Variants in BPIFA3 observed in about 807,000 individuals in gnomAD.
The protein encoded by BPIFA3 is BPI fold containing family A member 3.
BPIFA3 carries 32 observed loss-of-function variants against 29.7 expected under a neutral mutation model. The observed-to-expected ratio is 1.08, with a 90% CI of 0.81 to 1.45. The LOEUF (loss-of-function observed/expected upper bound fraction) is 1.45, where lower values mean the gene tolerates loss of function less well. Among genes scored for constraint, BPIFA3 ranks in the 40% most tolerant of loss-of-function variants. BPIFA3 has a pLI of 0.00. For missense variants in BPIFA3, 323 were observed against 311.3 expected (o/e 1.04, Z -0.28); for synonymous variants, 112 against 113.7 (o/e 0.98, Z 0.10).
intron 2 of BPIFA3, 135 bp downstream of exon 2, chr20:33,224,096 G>T: frequency 1.7e-6 from 2 of 1,210,582 alleles, no homozygotes; most frequent in East Asian, 5.0e-5. Context: ...AAGAGAAGGT[G>T]GAAGGCCCAC....
At chr20:33,225,389 C>G in intron 4 of BPIFA3, 142 bp downstream of exon 4, 1 of 1,227,202 alleles carries the variant, frequency 8.1e-7, no homozygotes, top group Non-Finnish European at 1.1e-6. Flanking sequence ...TCCCATGTTC[C>G]CATCCGTGAT....
intron 1 of BPIFA3, among the ~76,000 whole-genome samples, chr20:33,218,273 C>A (rs962146161): frequency 1.3e-5 from 2 of 152,178 alleles, no homozygotes; most frequent in African/African-American, 4.8e-5. Context: ...CTGGGATAAA[C>A]CCAGAAGGAG....
rs1395200195 is a variant in BPIFA3 at position 33,222,669 on chromosome 20, T to TG, written c.128-1141dup. ...ATGGATGGATGGATGGATGGATGGATGAGTGGATGGATGGATGGATGAGCG... is the reference window on the plus strand; with the variant it reads ...ATGGATGGATGGATGGATGGATGGATGGAGTGGATGGATGGATGGATGAGCG... On this transcript the variant is annotated intron_variant, in intron 1 of 6. Transcript: ENST00000375454. Among the ~76,000 whole-genome samples the TG allele has an allele frequency of 2.9e-4, 39 of 132,688 alleles. 2 individuals are homozygous for TG. The highest frequency in any genetic ancestry group is 1.5e-3 in the African/African-American group (39 of 25,858). 87.0% of individuals were successfully genotyped at this position (132,688 alleles called of 152,430 possible).
rs779714865 is a variant in BPIFA3 at position 33,227,597 on chromosome 20, G to A, written c.745G>A (p.Ala249Thr). The A allele has an allele frequency of 6.2e-7, 1 of 1,613,904 alleles. No individual in the cohort carries two copies. Among genetic ancestry groups the A allele is most frequent in the Non-Finnish European group, 8.5e-7 (1 of 1,179,958 alleles). ...AACCAGCCAACCCTCTGCATGCCAGGCTGGAGAGTCCCCCAGCTGACTTCT... is the reference window on the plus strand; with the variant it reads ...AACCAGCCAACCCTCTGCATGCCAGACTGGAGAGTCCCCCAGCTGACTTCT... ...HETSQPSACQ[A>T]GESPS The change falls in exon 7 of 7, where the codon GCT (alanine) becomes ACT (threonine). Residue 249 changes from alanine to threonine, a missense_variant. Physicochemically the swap from Ala to Thr is moderately conservative, Grantham distance 58. Coordinates refer to ENST00000375454, the MANE Select transcript of BPIFA3 (RefSeq NM_178466.5).
At chr20:33,218,177 G>T (rs1246245423) in intron 1 of BPIFA3, among the ~76,000 whole-genome samples, 1 of 152,146 alleles carries the variant, frequency 6.6e-6, no homozygotes, top group African/African-American at 2.4e-5. Context: ...GGACATGCAG[G>T]TTGTCTCTAA....
intron 6 of BPIFA3, 98 bp from the exon 7 acceptor site, chr20:33,227,440 C>A: frequency 2.0e-6 from 2 of 1,022,740 alleles, no homozygotes; most frequent in South Asian, 2.7e-5. Context: ...GCTCCCGGCA[C>A]CTGCCTTTGG....
chr20:33,226,318 T>C, intron 4 of BPIFA3, 88 bp from the exon 5 acceptor site: 1 of 945,668 alleles, frequency 1.1e-6, no homozygotes. Context: ...ACTAAAAGAC[T>C]GTGGAAAGTA....
chr20:33,225,834 C>T (rs74459668), intron 4 of BPIFA3: 173 of 159,338 alleles, frequency 1.1e-3, no homozygotes, highest in African/African-American at 3.9e-3. Context: ...CTGGAATGCC[C>T]GTCCCATCTT....
At chr20:33,217,317 TG>T, upstream of BPIFA3, 1 of 495,322 alleles carries the variant, frequency 2.0e-6, no homozygotes, top group Non-Finnish European at 3.5e-6. Flanking sequence ...TCTGGAGCCC[TG>T]GCCTCCTCCC....
chr20:33,227,131 T>C lies in BPIFA3; in HGVS notation c.685+138T>C, dbSNP rs1021084382. On this transcript the variant is annotated intron_variant, in intron 6 of 6. Transcript: ENST00000375454. ...CGTGAGAACACTTTAGAGGTGACCA[T>C]ATTATGATGACCACACTGTCCCCCA... The C allele has an allele frequency of 8.3e-6, 6 of 720,426 alleles. No individual in the cohort carries two copies. In the East Asian group the frequency reaches 1.0e-4, roughly 13 times the overall value. 44.6% of individuals were successfully genotyped at this position (720,426 alleles called of 1,614,324 possible).
chr20:33,218,719 T>C (rs1356653100), intron 1 of BPIFA3, among the ~76,000 whole-genome samples: 1 of 151,928 alleles, frequency 6.6e-6, no homozygotes, highest in Non-Finnish European at 1.5e-5. Flanking sequence ...CTTAATTAGC[T>C]CTTTAAAGGC....
intron 1 of BPIFA3, among the ~76,000 whole-genome samples, chr20:33,223,131 A>G (rs1985605994): frequency 6.6e-6 from 1 of 152,182 alleles, no homozygotes; most frequent in Non-Finnish European, 1.5e-5. Context: ...AACAACTCCA[A>G]GGTGCTGTCT....
chr20:33,225,033 G>A, intron 3 of BPIFA3, 65 bp from the exon 4 acceptor site: 13 of 1,505,900 alleles, frequency 8.6e-6, no homozygotes, highest in South Asian at 2.3e-5. Context: ...TTGCCAATAC[G>A]GAGATTTCTA....
At chr20:33,222,639 G>GATGGATGA (rs1166138516) in intron 1 of BPIFA3, among the ~76,000 whole-genome samples, 1 of 143,380 alleles carries the variant, frequency 7.0e-6, no homozygotes, top group African/African-American at 2.8e-5. Flanking sequence ...CGGATGAATG[G>GATGGATGA]ATGGATGGAT....
In BPIFA3 at chr20:33,217,604, A is replaced by G. The variant is rs781616507; in HGVS notation, c.68A>G (p.Lys23Arg). The change falls in exon 1 of 7, where the codon AAG becomes AGG. Residue 23 changes from lysine to arginine, a missense_variant. Lys to Arg is a conservative substitution (Grantham distance 26). Coordinates refer to ENST00000375454, the MANE Select transcript of BPIFA3 (RefSeq NM_178466.5). Reference protein sequence around the residue: ...GLLALPLAPHKQPWPGLAQAH... With the variant: ...GLLALPLAPHRQPWPGLAQAH... ...CTGGCCTTGCCCTTGGCACCACACAAGCAGCCTTGGCCTGGCCTGGCCCAA... is the reference window on the plus strand; with the variant it reads ...CTGGCCTTGCCCTTGGCACCACACAGGCAGCCTTGGCCTGGCCTGGCCCAA... 2 of 1,614,152 alleles carry G rather than the reference A, an allele frequency of 1.2e-6. No individual in the cohort carries two copies. The highest frequency in any genetic ancestry group is 2.2e-5 in the East Asian group (1 of 44,880).
At chr20:33,224,082 AAAG>A (rs931787868) in intron 2 of BPIFA3, 121 bp downstream of exon 2, 10 of 1,298,122 alleles carry the variant, frequency 7.7e-6, no homozygotes, top group Non-Finnish European at 1.1e-5. Context: ...AGGAAGATTG[AAAG>A]AAGAGAAGGT....
At chr20:33,222,545 T>TAGATGGAC (rs1568623260) in intron 1 of BPIFA3, among the ~76,000 whole-genome samples, 2 of 148,882 alleles carry the variant, frequency 1.3e-5, no homozygotes, top group African/African-American at 5.1e-5. Context: ...AATGGATGGA[T>TAGATGGAC]AGATGGACAG....
At chr20:33,226,076 T>C in intron 4 of BPIFA3, 1 of 228,830 alleles carries the variant, frequency 4.4e-6, no homozygotes, top group Non-Finnish European at 8.3e-6. Context: ...CTGAAAGCAA[T>C]GAAGACCTCA....
Position 33,223,810 on chromosome 20 carries a change from G to A in BPIFA3, c.128-1G>A. On this transcript the variant is annotated splice_acceptor_variant, in intron 1 of 6. Coordinates refer to ENST00000375454, the MANE Select transcript of BPIFA3 (RefSeq NM_178466.5). LOFTEE classifies it high-confidence loss of function. ...AGTCAGTGGTCCTTGTGCATTTCCA[G>A]TTATTGCTCAGGGCCTCATAAAGCA... 1.2e-6 allele frequency: 2 copies of A among 1,611,676 alleles called. No homozygotes were observed.
Sources: allele counts gnomAD v4.1 joint callset (sites outside exome capture counted in the v4.1 genomes callset), GRCh38; gene constraint gnomAD v4.1.1; transcripts MANE v1.5; gene names NCBI Gene and HGNC (gene_info 2026-07-23, HGNC 2026-07-21).